Variants in SMYD3 observed in about 807,000 individuals in gnomAD.
SMYD3 encodes the protein histone-lysine N-methyltransferase SMYD3.
A neutral mutation model predicts 57.7 loss-of-function variants in SMYD3; 36 were observed. The ratio of observed to expected loss-of-function variants is 0.62; its 90% CI spans 0.48 to 0.82. The LOEUF (loss-of-function observed/expected upper bound fraction) is 0.82, where lower values mean the gene tolerates loss of function less well. SMYD3 is among the 40% of genes least tolerant of loss of function. SMYD3 has a pLI of 0.00. For synonymous variants in SMYD3, 211 were observed against 195.0 expected (o/e 1.08, Z -0.68); for missense variants, 515 against 538.8 (o/e 0.96, Z 0.44).
At chr1:246,119,240 CT>C (rs1253948715) in intron 5 of SMYD3, among the ~76,000 whole-genome samples, 1 of 151,950 alleles carries the variant, frequency 6.6e-6, no homozygotes, top group Non-Finnish European at 1.5e-5. Context: ...TCAAGCTATC[CT>C]TCCACCTTGG....
At chr1:246,402,433 A>T (rs566025873) in intron 1 of SMYD3, among the ~76,000 whole-genome samples, 5 of 147,928 alleles carry the variant, frequency 3.4e-5, no homozygotes, top group Admixed American at 1.4e-4. Flanking sequence ...TCAGGGCACA[A>T]ATCCCTCTAT....
chr1:245,893,089 T>C (rs2053497290), intron 8 of SMYD3, among the ~76,000 whole-genome samples: 1 of 152,208 alleles, frequency 6.6e-6, no homozygotes, highest in Non-Finnish European at 1.5e-5. Context: ...AATTAAGATG[T>C]ACATGTGGCA....
chr1:245,937,427 C>T (rs1445228477), intron 5 of SMYD3, among the ~76,000 whole-genome samples: 1 of 151,528 alleles, frequency 6.6e-6, no homozygotes, highest in Non-Finnish European at 1.5e-5. Flanking sequence ...GCAAAATAGT[C>T]ACATATTTGT....
At chr1:246,403,316 A>C (rs2066802933) in intron 1 of SMYD3, among the ~76,000 whole-genome samples, 1 of 152,020 alleles carries the variant, frequency 6.6e-6, no homozygotes, top group Admixed American at 6.5e-5. Flanking sequence ...CAACATAGTA[A>C]GGCCCTGTGT....
chr1:246,143,039 C>T lies in SMYD3; in HGVS notation c.531+184162G>A, dbSNP rs113683368. Among the ~76,000 whole-genome samples the T allele has an allele frequency of 5.5e-4, 84 of 151,948 alleles. 1 individual carries two copies. The highest frequency in any genetic ancestry group is 2.0e-3 in the African/African-American group (81 of 41,416). ...AAATAATTGCCACCACAATGGACAA[C>T]AAAATCTCACTAATGTGAATTAACA... On this transcript the variant is annotated intron_variant, in intron 5 of 11. Transcript: ENST00000490107.
intron 5 of SMYD3, among the ~76,000 whole-genome samples, chr1:246,125,085 AAAACACAC>A (rs1377587794): frequency 9.1e-6 from 1 of 109,644 alleles, no homozygotes; most frequent in African/African-American, 2.7e-5. Flanking sequence ...AAAAAAAAAA[AAAACACAC>A]ACACACACAC....
chr1:245,995,609 C>T (rs1294490647), intron 5 of SMYD3, among the ~76,000 whole-genome samples: 2 of 152,160 alleles, frequency 1.3e-5, no homozygotes, highest in Non-Finnish European at 2.9e-5. Context: ...TCAGGGGAGG[C>T]ATGTGGCAGT....
chr1:246,370,075 C>G (rs1020603866), intron 1 of SMYD3, among the ~76,000 whole-genome samples: 2 of 152,178 alleles, frequency 1.3e-5, no homozygotes, highest in Non-Finnish European at 2.9e-5. Context: ...GAGTACTCCC[C>G]TTCCACTGTC....
intron 1 of SMYD3, among the ~76,000 whole-genome samples, chr1:246,405,722 T>C (rs947823535): frequency 1.4e-4 from 21 of 151,756 alleles, no homozygotes; most frequent in Non-Finnish European, 2.2e-4. Context: ...TCCTGGCTAA[T>C]ACGATGAAAC....
intron 5 of SMYD3, among the ~76,000 whole-genome samples, chr1:246,318,135 C>T (rs1045315729): frequency 1.3e-5 from 2 of 152,126 alleles, no homozygotes; most frequent in South Asian, 2.1e-4. Flanking sequence ...GTCATCCTAG[C>T]CCTCTGGGAG....
At chr1:246,266,914 G>A (rs939793723) in intron 5 of SMYD3, among the ~76,000 whole-genome samples, 1 of 151,890 alleles carries the variant, frequency 6.6e-6, no homozygotes, top group East Asian at 1.9e-4. Flanking sequence ...AGTAAACTGC[G>A]AAAATAATAT....
At chr1:246,307,513 G>A (rs551224219) in intron 5 of SMYD3, among the ~76,000 whole-genome samples, 5 of 146,388 alleles carry the variant, frequency 3.4e-5, no homozygotes, top group South Asian at 2.2e-4. Flanking sequence ...TCCGCCTCCC[G>A]GGTTCACGCC....
At chr1:246,455,966 G>C (rs2067694839) in intron 1 of SMYD3, among the ~76,000 whole-genome samples, 1 of 152,148 alleles carries the variant, frequency 6.6e-6, no homozygotes, top group Non-Finnish European at 1.5e-5. Flanking sequence ...AGTATATCCT[G>C]ATAGCTGATA....
chr1:245,879,377 G>C (rs1324733789), intron 8 of SMYD3, among the ~76,000 whole-genome samples: 1 of 152,218 alleles, frequency 6.6e-6, no homozygotes, highest in African/African-American at 2.4e-5. Context: ...CACATGAGCT[G>C]TGCTGTTACA....
At chr1:245,969,618 G>C (rs574314242) in intron 5 of SMYD3, among the ~76,000 whole-genome samples, 3 of 152,306 alleles carry the variant, frequency 2.0e-5, no homozygotes, top group African/African-American at 7.2e-5. Flanking sequence ...CTAACCAAGG[G>C]GGGAAAGGCC....
At chr1:245,958,918 G>GT (rs1348997081) in intron 5 of SMYD3, among the ~76,000 whole-genome samples, 3 of 152,024 alleles carry the variant, frequency 2.0e-5, no homozygotes, top group East Asian at 1.9e-4. Flanking sequence ...TTGTTGTTTG[G>GT]TTTTTTTGAA....
At chr1:245,812,779 G>GTCAC (rs894307522) in intron 10 of SMYD3, among the ~76,000 whole-genome samples, 9 of 151,324 alleles carry the variant, frequency 5.9e-5, no homozygotes, top group Non-Finnish European at 1.3e-4. Flanking sequence ...GAAGAAAGGG[G>GTCAC]TCACTCACTC....
At chr1:246,177,419 G>A (rs1156804516) in intron 5 of SMYD3, among the ~76,000 whole-genome samples, 3 of 152,100 alleles carry the variant, frequency 2.0e-5, no homozygotes. Context: ...ATAAATTCTA[G>A]ACATGGCAGC....
intron 5 of SMYD3, among the ~76,000 whole-genome samples, chr1:246,132,945 A>G (rs2061609836): frequency 6.6e-6 from 1 of 152,126 alleles, no homozygotes; most frequent in South Asian, 2.1e-4. Flanking sequence ...GCCACTTCAC[A>G]TTCACTAGGA....
Sources: allele counts gnomAD v4.1 joint callset (sites outside exome capture counted in the v4.1 genomes callset), GRCh38; gene constraint gnomAD v4.1.1; transcripts MANE v1.5; gene names NCBI Gene and HGNC (gene_info 2026-07-23, HGNC 2026-07-21).